Variants in MZT2B observed in about 807,000 individuals in gnomAD.
MZT2B encodes mitotic-spindle organizing protein 2B.
Under a neutral mutation model 12.1 loss-of-function variants are expected in MZT2B, and 11 were observed. The ratio of observed to expected loss-of-function variants is 0.91; its 90% CI spans 0.57 to 1.50. MZT2B has a LOEUF of 1.50. Ranked by LOEUF, MZT2B falls within the 40% of genes most tolerant of loss-of-function variation. MZT2B has a pLI of 0.00. For missense variants in MZT2B, 209 were observed against 227.7 expected (o/e 0.92, Z 0.53); for synonymous variants, 85 against 109.5 (o/e 0.78, Z 1.40).
At chr2:130,197,650 A>C in the MZT2B span, among the ~76,000 whole-genome samples, 1 of 127,070 alleles carries the variant, frequency 7.9e-6, no homozygotes, top group African/African-American at 2.7e-5. Context: ...TCTGTGGCCC[A>C]GGCTGGAGTG....
At chr2:130,196,331 T>C in the MZT2B span, 4 of 1,614,076 alleles carry the variant, frequency 2.5e-6, no homozygotes, top group South Asian at 2.2e-5. Flanking sequence ...ATTGCCGATC[T>C]GGACACCCGC....
chr2:130,200,118 G>A, the MZT2B span, among the ~76,000 whole-genome samples: 4 of 150,876 alleles, frequency 2.7e-5, no homozygotes, highest in Admixed American at 1.3e-4. Flanking sequence ...AAGGCAGGGC[G>A]TGGTGGCTCA....
At chr2:130,182,050 C>T, upstream of MZT2B, 1 of 1,348,970 alleles carries the variant, frequency 7.4e-7, no homozygotes, top group South Asian at 1.5e-5. Context: ...AGCAGCGGAC[C>T]CCTGCGGTCC....
At chr2:130,204,712 T>G in the MZT2B span, among the ~76,000 whole-genome samples, 4,295 of 45,644 alleles carry the variant, frequency 0.094, 10 homozygotes, top group African/African-American at 0.3. Context: ...AAAGGGGGGG[T>G]GGGGAGGAAG....
At chr2:130,194,371 G>A, downstream of MZT2B, 1 of 1,613,300 alleles carries the variant, frequency 6.2e-7, no homozygotes, top group Non-Finnish European at 8.5e-7. Flanking sequence ...AATCCACTGA[G>A]AGCCGCTCCA....
At chr2:130,183,116 T>C in intron 2 of MZT2B, 1 of 444,526 alleles carries the variant, frequency 2.2e-6, no homozygotes, top group East Asian at 4.4e-5. Context: ...ACGCCTATAA[T>C]CTTTGGGACC....
downstream of MZT2B, chr2:130,193,906 G>T (rs756131642): frequency 9.3e-6 from 15 of 1,614,138 alleles, no homozygotes; most frequent in Non-Finnish European, 1.3e-5. Context: ...AGCAGGCCAT[G>T]TACTTGCCAT....
the MZT2B span, among the ~76,000 whole-genome samples, chr2:130,202,741 C>T: frequency 6.6e-6 from 1 of 152,208 alleles, no homozygotes; most frequent in Non-Finnish European, 1.5e-5. Context: ...GCAGAGTAAG[C>T]AGCAACTCCC....
downstream of MZT2B, chr2:130,192,007 G>A (rs754139423): frequency 6.2e-7 from 1 of 1,614,076 alleles, no homozygotes; most frequent in South Asian, 1.1e-5. Context: ...TCGAACTTAT[G>A]GACCAGGCGG....
At chr2:130,186,444 C>T (rs1353766014) in intron 2 of MZT2B, among the ~76,000 whole-genome samples, 3 of 152,160 alleles carry the variant, frequency 2.0e-5, no homozygotes, top group African/African-American at 4.8e-5. Context: ...TTCAGTCAAG[C>T]GTTCTATTTA....
intron 2 of MZT2B, chr2:130,184,074 T>C: frequency 1.3e-6 from 2 of 1,548,782 alleles, no homozygotes; most frequent in East Asian, 2.4e-5. Context: ...GGCAGGACCA[T>C]GCAGGCCATC....
the MZT2B span, among the ~76,000 whole-genome samples, chr2:130,200,215 C>T: frequency 6.6e-6 from 1 of 152,016 alleles, no homozygotes; most frequent in Admixed American, 6.6e-5. Flanking sequence ...CACGGTGAAA[C>T]CCCGTCTCTA....
intron 2 of MZT2B, among the ~76,000 whole-genome samples, chr2:130,187,941 G>A (rs1341880210): frequency 2.6e-5 from 4 of 152,086 alleles, no homozygotes; most frequent in Non-Finnish European, 5.9e-5. Flanking sequence ...CTACATCGGA[G>A]GCTGAGGCAG....
At chr2:130,198,573 C>T in the MZT2B span, 1 of 532,994 alleles carries the variant, frequency 1.9e-6, no homozygotes, top group Admixed American at 4.1e-5. Flanking sequence ...AGTGGGGATG[C>T]TCTCTGATTG....
At chr2:130,201,698 C>T in the MZT2B span, among the ~76,000 whole-genome samples, 1 of 152,194 alleles carries the variant, frequency 6.6e-6, no homozygotes, top group Non-Finnish European at 1.5e-5. Flanking sequence ...TCCAGCCACG[C>T]ATCCTTCAGC....
chr2:130,189,799 G>A (rs1256876910), intron 2 of MZT2B, among the ~76,000 whole-genome samples: 2 of 152,148 alleles, frequency 1.3e-5, no homozygotes, highest in African/African-American at 4.8e-5. Context: ...CTCTGAACCA[G>A]TGGTCTTCAT....
intron 2 of MZT2B, among the ~76,000 whole-genome samples, chr2:130,185,209 G>A (rs1007506583): frequency 3.9e-5 from 6 of 152,010 alleles, no homozygotes; most frequent in Non-Finnish European, 8.8e-5. Context: ...TACTCGGGAG[G>A]CTGAGGCAGA....
chr2:130,202,329 G>A, the MZT2B span: 1 of 1,289,972 alleles, frequency 7.8e-7, no homozygotes, highest in African/African-American at 1.5e-5. Flanking sequence ...AAACAGGCTT[G>A]AGTGACAACT....
chr2:130,182,555 C>T (rs1305187447), intron 1 of MZT2B, 72 bp from the exon 2 acceptor site: 95 of 1,567,222 alleles, frequency 6.1e-5, no homozygotes, highest in Non-Finnish European at 7.9e-5. Context: ...CGCCCCCGTC[C>T]TTGTCGGGTC....
Sources: allele counts gnomAD v4.1 joint callset (sites outside exome capture counted in the v4.1 genomes callset), GRCh38; gene constraint gnomAD v4.1.1; transcripts MANE v1.5; gene names NCBI Gene and HGNC (gene_info 2026-07-23, HGNC 2026-07-21).